The following HPSE2 variants were observed in gnomAD, a reference collection of about 807,000 sequenced individuals.
HPSE2 encodes the protein inactive heparanase-2.
A neutral mutation model predicts 60.5 loss-of-function variants in HPSE2; 38 were observed. The ratio of observed to expected loss-of-function variants is 0.63; its 90% CI spans 0.48 to 0.82. The LOEUF (loss-of-function observed/expected upper bound fraction) is 0.82. Ranked by LOEUF, HPSE2 falls within the 40% of genes least tolerant of loss-of-function variation. The pLI is 0.00. For missense variants in HPSE2, 713 were observed against 740.4 expected (o/e 0.96, Z 0.43); for synonymous variants, 295 against 293.2 (o/e 1.01, Z -0.06).
At chr10:98,523,730 T>C (rs1942871938) in intron 9 of HPSE2, among the ~76,000 whole-genome samples, 1 of 152,204 alleles carries the variant, frequency 6.6e-6, no homozygotes, top group Non-Finnish European at 1.5e-5. Context: ...ATAAGTGGGA[T>C]ACTAAAAATG....
chr10:98,655,230 C>CT (rs1167965911), intron 6 of HPSE2, among the ~76,000 whole-genome samples: 116 of 141,884 alleles, frequency 8.2e-4, no homozygotes, highest in South Asian at 1.8e-3. Context: ...GGAGAGTTGG[C>CT]TTTTTTTTTT....
At chr10:98,637,866 C>T (rs559043403) in intron 7 of HPSE2, among the ~76,000 whole-genome samples, 33 of 152,198 alleles carry the variant, frequency 2.2e-4, no homozygotes, top group Admixed American at 1.1e-3. Flanking sequence ...AGGCCAGGCA[C>T]GGTGGCTCAC....
chr10:98,767,754 T>C (rs1950154905), intron 3 of HPSE2, among the ~76,000 whole-genome samples: 1 of 145,596 alleles, frequency 6.9e-6, no homozygotes, highest in Non-Finnish European at 1.5e-5. Context: ...GTATCAATAC[T>C]ATATAGTTAT....
chr10:98,487,462 T>G (rs978146498), intron 10 of HPSE2, among the ~76,000 whole-genome samples: 4 of 152,232 alleles, frequency 2.6e-5, no homozygotes, highest in African/African-American at 9.6e-5. Flanking sequence ...CTGAATGATT[T>G]CTAAGGGCTC....
intron 2 of HPSE2, among the ~76,000 whole-genome samples, chr10:99,183,869 A>C (rs939882298): frequency 1.3e-5 from 2 of 152,210 alleles, no homozygotes; most frequent in African/African-American, 4.8e-5. Context: ...TAAGGCACTG[A>C]GTAAGAAGGG....
chr10:98,768,104 G>T (rs956858305), intron 3 of HPSE2, among the ~76,000 whole-genome samples: 1 of 151,878 alleles, frequency 6.6e-6, no homozygotes, highest in Non-Finnish European at 1.5e-5. Context: ...AAATACTCAG[G>T]CAGGTTTAAA....
chr10:98,599,333 G>C (rs752300240), intron 9 of HPSE2, among the ~76,000 whole-genome samples: 7 of 152,184 alleles, frequency 4.6e-5, no homozygotes, highest in Non-Finnish European at 7.3e-5. Context: ...ATTGAACGGT[G>C]CTATCCTGAT....
At chr10:98,762,683 G>C (rs72836703) in intron 3 of HPSE2, among the ~76,000 whole-genome samples, 1,925 of 148,612 alleles carry the variant, frequency 0.013, 22 homozygotes, top group Non-Finnish European at 0.017. Flanking sequence ...CAAATTTACA[G>C]TCTGAACATA....
At chr10:98,690,342 C>T (rs970429882) in intron 6 of HPSE2, among the ~76,000 whole-genome samples, 2 of 152,114 alleles carry the variant, frequency 1.3e-5, no homozygotes, top group Non-Finnish European at 2.9e-5. Flanking sequence ...AGATCAAGAC[C>T]ATCCTGGCTA....
chr10:99,101,201 A>G (rs2135640968), intron 3 of HPSE2, among the ~76,000 whole-genome samples: 1 of 152,362 alleles, frequency 6.6e-6, no homozygotes, highest in South Asian at 2.1e-4. Context: ...GGCAAACTGT[A>G]TAAAGAGTCA....
At chr10:99,247,827 C>T in the HPSE2 span, among the ~76,000 whole-genome samples, 7 of 152,196 alleles carry the variant, frequency 4.6e-5, no homozygotes, top group African/African-American at 1.7e-4. Flanking sequence ...TCTCATGACA[C>T]TCAGTGAGTT....
intron 4 of HPSE2, among the ~76,000 whole-genome samples, chr10:98,724,614 G>T (rs1949020924): frequency 6.6e-6 from 1 of 152,082 alleles, no homozygotes; most frequent in Non-Finnish European, 1.5e-5. Context: ...TCTCTTTGTA[G>T]GTCACTAAGG....
chr10:99,180,714 G>A (rs1158467190), intron 2 of HPSE2, among the ~76,000 whole-genome samples: 5 of 151,458 alleles, frequency 3.3e-5, no homozygotes, highest in Admixed American at 2.6e-4. Flanking sequence ...GTGAAATCCC[G>A]TCTCTACTAA....
At chr10:98,997,031 A>T (rs575291334) in intron 3 of HPSE2, among the ~76,000 whole-genome samples, 7 of 151,784 alleles carry the variant, frequency 4.6e-5, no homozygotes, top group South Asian at 2.1e-4. Flanking sequence ...CAATAAAAAA[A>T]TTTTTAATAA....
At chr10:99,108,753 G>C (rs1398976020) in intron 3 of HPSE2, among the ~76,000 whole-genome samples, 1 of 152,154 alleles carries the variant, frequency 6.6e-6, no homozygotes, top group African/African-American at 2.4e-5. Context: ...TCTTGTAAGT[G>C]ACACCTTTAC....
intron 3 of HPSE2, among the ~76,000 whole-genome samples, chr10:99,022,365 C>T (rs1957281992): frequency 1.3e-5 from 2 of 152,076 alleles, no homozygotes; most frequent in African/African-American, 4.8e-5. Flanking sequence ...GCAAACCTTG[C>T]CAGGGAGGGC....
intron 3 of HPSE2, among the ~76,000 whole-genome samples, chr10:99,125,801 GC>G (rs1564827378): frequency 6.6e-6 from 1 of 152,226 alleles, no homozygotes; most frequent in African/African-American, 2.4e-5. Flanking sequence ...AGTGGGAAGA[GC>G]CTTGTAGGCA....
the HPSE2 span, among the ~76,000 whole-genome samples, chr10:99,289,148 A>T: frequency 1.3e-5 from 2 of 152,180 alleles, no homozygotes; most frequent in Non-Finnish European, 2.9e-5. Flanking sequence ...GGAGTGCCTA[A>T]AGATGGACTG....
intron 2 of HPSE2, among the ~76,000 whole-genome samples, chr10:99,200,714 CACT>C (rs1169469907): frequency 6.6e-6 from 1 of 152,052 alleles, no homozygotes; most frequent in Non-Finnish European, 1.5e-5. Flanking sequence ...CAGGGCCATT[CACT>C]CACCCAGTCC....
Sources: allele counts gnomAD v4.1 joint callset (sites outside exome capture counted in the v4.1 genomes callset), GRCh38; gene constraint gnomAD v4.1.1; transcripts MANE v1.5; gene names NCBI Gene and HGNC (gene_info 2026-07-23, HGNC 2026-07-21).